The following NAA40 variants were observed in gnomAD, a reference collection of about 807,000 sequenced individuals.
NAA40 encodes N-alpha-acetyltransferase 40.
In NAA40, 26 loss-of-function variants were observed where a neutral mutation model predicts 36.6. The observed-to-expected ratio is 0.71, with a 90% CI of 0.52 to 0.98. NAA40 has a LOEUF of 0.98. NAA40 is among the 50% of genes least tolerant of loss of function. The pLI is 0.00. For missense variants in NAA40, 237 were observed against 306.5 expected (o/e 0.77, Z 1.69); for synonymous variants, 129 against 108.4 (o/e 1.19, Z -1.18).
chr11:63,952,479 C>T lies in NAA40; in HGVS notation c.324C>T (p.Tyr108=). ...AAATGACAGATGACCGAGCCTGGTA[C>T]CTCATCGCGTGGGAAAACAGCTCCG... ...REEMTDDRAW[Y]LIAWENSSVP... Residue 108 remains tyrosine, a synonymous_variant, in exon 5 of 8, where the codon TAC becomes TAT. Coordinates refer to ENST00000377793, the MANE Select transcript of NAA40 (RefSeq NM_024771.4). 6.2e-7 allele frequency: 1 copy of T among 1,614,146 alleles called. No homozygotes were observed. The highest frequency in any genetic ancestry group is 2.2e-5 in the East Asian group (1 of 44,884).
Position 63,939,013 on chromosome 11 carries a change from T to TGCCGCCGCTGTTGCA in NAA40, c.-80_-66dup, listed in dbSNP as rs1554994256. The TGCCGCCGCTGTTGCA allele has an allele frequency of 6.6e-5, 90 of 1,361,906 alleles. 1 individual carries two copies. The highest frequency in any genetic ancestry group is 6.3e-4 in the South Asian group (53 of 84,578). 84.4% of individuals were successfully genotyped at this position (1,361,906 alleles called of 1,614,324 possible). A position where few individuals can be genotyped will look rare whatever the true frequency, so the allele number is the denominator to read the frequency against. On this transcript the variant is annotated 5_prime_UTR_variant, in exon 1 of 8. Transcript: ENST00000377793. ...CGCGTTGCAGGGCCGTCCGCTCTGC[T>TGCCGCCGCTGTTGCA]GCCGCCGCTGTTGCAGCCACCGCCG... is the stretch of plus-strand genomic sequence containing the variant.
At chr11:63,939,465 T>A in intron 1 of NAA40, 1 of 1,049,182 alleles carries the variant, frequency 9.5e-7, no homozygotes, top group Non-Finnish European at 1.1e-6. Flanking sequence ...GCTTCGTCGC[T>A]TTTCACATCC....
Position 63,954,455 on chromosome 11 carries a change from G to A in NAA40, c.690G>A (p.Gly230=), listed in dbSNP as rs776278197. 21 of 1,606,592 alleles carry A rather than the reference G, an allele frequency of 1.3e-5. No homozygotes were observed. Among genetic ancestry groups the A allele is most frequent in the Non-Finnish European group, 1.8e-5 (21 of 1,176,892 alleles). The change falls in exon 8 of 8, where the codon GGG becomes GGA. Residue 230 remains glycine (G), a synonymous_variant. Coordinates refer to ENST00000377793, the MANE Select transcript of NAA40 (RefSeq NM_024771.4). ...FGDSHHSHAG[G]HCGGCCH ...ACAGCCATCACTCCCACGCGGGTGGGCACTGTGGTGGCTGCTGCCACTGAA... is the reference window on the plus strand; with the variant it reads ...ACAGCCATCACTCCCACGCGGGTGGACACTGTGGTGGCTGCTGCCACTGAA...
intron 6 of NAA40, among the ~76,000 whole-genome samples, chr11:63,953,045 C>CTTTTTTTTTTT (rs34261976): frequency 1.9e-5 from 2 of 106,852 alleles, no homozygotes; most frequent in African/African-American, 3.7e-5. Flanking sequence ...CAGTGAACAT[C>CTTTTTTTTTTT]TTTTTTTTTT....
rs2134282650 is a variant in NAA40, at chr11:63,954,621, C to T, written c.*142C>T. ...GGCTGCGCCCTGAGAGCACAGAACC[C>T]TGGGGAGAAGTGGTATCAGCTGCTC... On this transcript the variant is annotated 3_prime_UTR_variant, in exon 8 of 8. Coordinates refer to ENST00000377793, the MANE Select transcript of NAA40 (RefSeq NM_024771.4). 1 of 910,690 alleles carries T rather than the reference C, an allele frequency of 1.1e-6. No individual in the cohort carries two copies. The highest frequency in any genetic ancestry group is 1.5e-6 in the Non-Finnish European group (1 of 647,688). The allele number at this position is 910,690 out of a possible 1,614,324, so 56.4% of individuals were successfully genotyped here. A position where few individuals can be genotyped will look rare whatever the true frequency, so the allele number is the denominator to read the frequency against.
chr11:63,954,150 T>G, intron 7 of NAA40, 101 bp downstream of exon 7: 1 of 1,387,876 alleles, frequency 7.2e-7, no homozygotes, highest in Non-Finnish European at 1.0e-6. Flanking sequence ...GAGCTCATGG[T>G]CCAGTGGTCC....
intron 3 of NAA40, among the ~76,000 whole-genome samples, chr11:63,948,275 A>C (rs1942221063): frequency 6.6e-6 from 1 of 152,234 alleles, no homozygotes; most frequent in South Asian, 2.1e-4. Context: ...CCAGAGAGTC[A>C]AATGAGCTTT....
At chr11:63,953,718 C>T (rs1046866086) in intron 6 of NAA40, among the ~76,000 whole-genome samples, 20 of 152,182 alleles carry the variant, frequency 1.3e-4, no homozygotes, top group African/African-American at 4.8e-5. Flanking sequence ...CTCCCAGGCT[C>T]AAGTGATCCT....
At chr11:63,948,437 T>G (rs899709452) in intron 3 of NAA40, among the ~76,000 whole-genome samples, 3 of 151,882 alleles carry the variant, frequency 2.0e-5, no homozygotes, top group Non-Finnish European at 4.4e-5. Context: ...GAAAAATATT[T>G]GCTGGGCGTG....
At chr11:63,943,488 G>T (rs2055142301) in intron 1 of NAA40, among the ~76,000 whole-genome samples, 2 of 152,164 alleles carry the variant, frequency 1.3e-5, no homozygotes, top group Admixed American at 6.5e-5. Flanking sequence ...CAGGACATAG[G>T]CGCCTCAGTA....
chr11:63,943,389 C>T (rs546016491), intron 1 of NAA40, among the ~76,000 whole-genome samples: 1 of 152,144 alleles, frequency 6.6e-6, no homozygotes. Flanking sequence ...AAGGAGTTGC[C>T]GAGTGGTTGC....
chr11:63,957,210 A>ATTTTT lies in NAA40; in HGVS notation c.*2732_*2733insTTTTT, dbSNP rs1300515107. 1 of 52,634 alleles carries ATTTTT rather than the reference A, an allele frequency of 1.9e-5. No homozygotes were observed. The highest frequency in any genetic ancestry group is 4.6e-5 in the African/African-American group (1 of 21,626). 3.3% of individuals were successfully genotyped at this position (52,634 alleles called of 1,614,324 possible). A position where few individuals can be genotyped will look rare whatever the true frequency, so the allele number is the denominator to read the frequency against. On this transcript the variant is annotated 3_prime_UTR_variant, in exon 8 of 8. Transcript: ENST00000377793. ...CTCCTTGATATATATATATATATAT[A>ATTTTT]TATTTTTTTTTTTCTTTAGCAGCTT...
At chr11:63,945,039 C>T (rs781562307) in intron 1 of NAA40, among the ~76,000 whole-genome samples, 21 of 152,172 alleles carry the variant, frequency 1.4e-4, no homozygotes, top group Non-Finnish European at 2.8e-4. Context: ...AATCTCACGT[C>T]GGCCTCAAAA....
At position 63,952,324 on chromosome 11, in the gene NAA40, T is replaced by C. The variant is rs768685468; in HGVS notation, c.242T>C (p.Met81Thr). 1.2e-6 allele frequency: 2 copies of C among 1,613,776 alleles called. No homozygotes were observed. The highest frequency in any genetic ancestry group is 1.7e-5 in the Admixed American group (1 of 59,988). ...DWAFDLTKTN[M>T]QTMYEQSEWG... ...GCCTTCGACCTGACCAAAACGAATA[T>C]GCAAACCATGTAAGCTTGTCCCAAC... The change falls in exon 4 of 8, where the codon ATG becomes ACG. Residue 81 changes from methionine to threonine, a missense_variant. Physicochemically the swap from Met to Thr is moderately conservative, Grantham distance 81. Coordinates refer to ENST00000377793, the MANE Select transcript of NAA40 (RefSeq NM_024771.4).
rs536258695 is a variant in NAA40, at chr11:63,948,445, G to A, written c.155+1442G>A. 2.7e-3 allele frequency among the ~76,000 whole-genome samples: 413 copies of A among 152,204 alleles called. 1 individual carries two copies. Among genetic ancestry groups the A allele is most frequent in the African/African-American group, 9.3e-3 (385 of 41,534 alleles). On this transcript the variant is annotated intron_variant, in intron 3 of 7. Transcript: ENST00000377793. ...TTAAAAAGAAAAATATTTGCTGGGC[G>A]TGGTGGCTCACGCCTGTAATCTCAG... is the stretch of plus-strand genomic sequence containing the variant.
chr11:63,952,047 A>C, intron 3 of NAA40, 191 bp from the exon 4 acceptor site: 1 of 548,928 alleles, frequency 1.8e-6, no homozygotes, highest in Non-Finnish European at 3.2e-6. Context: ...GTGTGGCCAC[A>C]GTTGTTAATC....
intron 1 of NAA40, among the ~76,000 whole-genome samples, chr11:63,944,373 A>G (rs1024082136): frequency 9.9e-5 from 15 of 152,152 alleles, no homozygotes; most frequent in African/African-American, 3.6e-4. Flanking sequence ...CTCTATTGGT[A>G]AAAAGCAGAG....
chr11:63,949,877 TG>T (rs555958899), intron 3 of NAA40, among the ~76,000 whole-genome samples: 302 of 151,098 alleles, frequency 2.0e-3, no homozygotes, highest in African/African-American at 7.0e-3. Context: ...CCCGAGTAGC[TG>T]GGACTACAGG....
chr11:63,944,399 C>T (rs1565170241), intron 1 of NAA40, among the ~76,000 whole-genome samples: 1 of 152,266 alleles, frequency 6.6e-6, no homozygotes, highest in East Asian at 1.9e-4. Flanking sequence ...TTACCAGTGC[C>T]TTTGGGATGC....
Sources: allele counts gnomAD v4.1 joint callset (sites outside exome capture counted in the v4.1 genomes callset), GRCh38; gene constraint gnomAD v4.1.1; transcripts MANE v1.5; gene names NCBI Gene and HGNC (gene_info 2026-07-23, HGNC 2026-07-21).